Variants in DNM3 observed in about 807,000 individuals in gnomAD.
The protein encoded by DNM3 is dynamin 3.
In DNM3, 47 loss-of-function variants were observed where a neutral mutation model predicts 101.6. That is an observed-to-expected ratio of 0.46 (90% CI 0.37 to 0.59). The LOEUF is 0.59. DNM3 is among the 20% of genes least tolerant of loss of function. The pLI is 0.00. For missense variants in DNM3, 849 were observed against 1,085.7 expected, an observed-to-expected ratio of 0.78 and a Z score of 3.06; for synonymous variants, 385 against 387.9, an observed-to-expected ratio of 0.99 and a Z score of 0.09.
intron 17 of DNM3, among the ~76,000 whole-genome samples, chr1:172,344,727 T>C (rs978802180): frequency 6.6e-6 from 1 of 152,230 alleles, no homozygotes; most frequent in Non-Finnish European, 1.5e-5. Context: ...ATGGAATCTA[T>C]GCAGTTTGTT....
intron 14 of DNM3, among the ~76,000 whole-genome samples, chr1:172,215,771 G>C (rs1004323128): frequency 7.9e-5 from 12 of 151,866 alleles, no homozygotes; most frequent in African/African-American, 2.9e-4. Context: ...TGCTTACAAG[G>C]CAGAGCCAGG....
At chr1:172,059,838 C>G (rs2125907363) in intron 10 of DNM3, among the ~76,000 whole-genome samples, 1 of 132,328 alleles carries the variant, frequency 7.6e-6, no homozygotes, top group East Asian at 2.5e-4. Context: ...GTTGGAAGTT[C>G]TGGCCAGGGC....
rs2071124938 is a variant in DNM3, at chr1:172,410,136, C to T, written c.*2295C>T. ...AACCCAGCCTACTCTAGAATTTCAG[C>T]AGTGACATTGGAGAATATTTTTAAT... On this transcript the variant is annotated 3_prime_UTR_variant, in exon 21 of 21. Transcript: ENST00000627582. 4 of 985,240 alleles carry T rather than the reference C, an allele frequency of 4.1e-6. No individual in the cohort carries two copies. The highest frequency in any genetic ancestry group is 3.6e-6 in the Non-Finnish European group (3 of 829,874). The allele number at this position is 985,240 out of a possible 1,614,324, so 61.0% of individuals were successfully genotyped here.
intron 4 of DNM3, among the ~76,000 whole-genome samples, chr1:171,991,356 C>A (rs1214657305): frequency 6.6e-6 from 1 of 152,124 alleles, no homozygotes; most frequent in Non-Finnish European, 1.5e-5. Context: ...TGTGCTCTGA[C>A]TGACTGGCTA....
chr1:172,068,744 CAT>C lies in DNM3; in HGVS notation c.1336-73_1336-72del, dbSNP rs558659551. ...GCAATGAATATCTTCTGTAAAATAACATAATTTATCTCTGCTTCTTTTTTGGT... is the reference window on the plus strand; with the variant it reads ...GCAATGAATATCTTCTGTAAAATAACAATTTATCTCTGCTTCTTTTTTGGT... On this transcript the variant is annotated intron_variant, in intron 10 of 20. Transcript: ENST00000627582. 698 of 1,271,310 alleles carry C rather than the reference CAT, an allele frequency of 5.5e-4. 4 individuals carry two copies. In the African/African-American group the frequency reaches 9.1e-3, roughly 17 times the overall value. The allele number at this position is 1,271,310 out of a possible 1,614,324, so 78.8% of individuals were successfully genotyped here.
At chr1:171,931,094 T>C (rs2040970123) in intron 2 of DNM3, among the ~76,000 whole-genome samples, 1 of 152,154 alleles carries the variant, frequency 6.6e-6, no homozygotes, top group Admixed American at 6.5e-5. Context: ...GGAATCAATT[T>C]AACAAAAGAA....
chr1:172,347,123 G>A (rs1049639337), intron 17 of DNM3, among the ~76,000 whole-genome samples: 7 of 152,014 alleles, frequency 4.6e-5, no homozygotes, highest in African/African-American at 1.7e-4. Flanking sequence ...ATGTGTGTTT[G>A]AGCATCTCAA....
chr1:172,190,124 T>A (rs1746427), intron 14 of DNM3, among the ~76,000 whole-genome samples: 35,733 of 151,682 alleles, frequency 0.24, 7,059 homozygotes, highest in African/African-American at 0.54. Context: ...ACTCATCATT[T>A]AAATTAGGTA....
intron 17 of DNM3, among the ~76,000 whole-genome samples, chr1:172,334,950 A>G: frequency 6.6e-6 from 1 of 152,202 alleles, no homozygotes; most frequent in East Asian, 1.9e-4. Flanking sequence ...CAAAAACAGA[A>G]AAAAGTAAAA....
intron 11 of DNM3, among the ~76,000 whole-genome samples, chr1:172,074,465 A>T (rs964973590): frequency 3.3e-5 from 5 of 151,238 alleles, no homozygotes; most frequent in African/African-American, 1.2e-4. Flanking sequence ...TCCCTCCCCT[A>T]GCCCCCCACC....
intron 14 of DNM3, among the ~76,000 whole-genome samples, chr1:172,212,350 A>G (rs2060542855): frequency 6.6e-6 from 1 of 152,212 alleles, no homozygotes; most frequent in Non-Finnish European, 1.5e-5. Flanking sequence ...TTTCTTCCTG[A>G]CAATGATTCA....
intron 13 of DNM3, among the ~76,000 whole-genome samples, chr1:172,116,772 G>A (rs1056731944): frequency 2.0e-5 from 3 of 152,150 alleles, no homozygotes; most frequent in Admixed American, 6.5e-5. Flanking sequence ...CATTGTGTAC[G>A]TGAGAGAAGA....
chr1:172,146,540 A>G (rs541048813), intron 14 of DNM3, among the ~76,000 whole-genome samples: 2 of 152,136 alleles, frequency 1.3e-5, no homozygotes, highest in Non-Finnish European at 2.9e-5. Flanking sequence ...GCACAAGCCC[A>G]TAAGACTCAC....
At chr1:172,007,589 C>A (rs959918913) in intron 4 of DNM3, among the ~76,000 whole-genome samples, 2 of 151,938 alleles carry the variant, frequency 1.3e-5, no homozygotes, top group African/African-American at 2.4e-5. Flanking sequence ...TTCTCATATT[C>A]TTTAACTGTA....
In DNM3 at chr1:172,408,009, AC is replaced by A; in HGVS notation, c.*170del. On this transcript the variant is annotated 3_prime_UTR_variant, in exon 21 of 21. Coordinates refer to ENST00000627582, the MANE Select transcript of DNM3 (RefSeq NM_015569.5). ...ATCTTCATTGCTCATGGTATGTCAA[AC>A]CTTTGGGGTTTGACTCAGAAACTGC... The A allele has an allele frequency of 1.4e-6, 2 of 1,461,234 alleles. No individual in the cohort carries two copies. Among genetic ancestry groups the A allele is most frequent in the Non-Finnish European group, 1.8e-6 (2 of 1,107,138 alleles). 90.5% of individuals were successfully genotyped at this position (1,461,234 alleles called of 1,614,324 possible).
At chr1:172,254,646 C>A (rs2062327266) in intron 15 of DNM3, among the ~76,000 whole-genome samples, 1 of 152,098 alleles carries the variant, frequency 6.6e-6, no homozygotes, top group South Asian at 2.1e-4. Flanking sequence ...TCCTTCCACT[C>A]ATTTTCCATT....
At chr1:172,037,940 C>T (rs1260040891) in intron 6 of DNM3, among the ~76,000 whole-genome samples, 2 of 152,176 alleles carry the variant, frequency 1.3e-5, no homozygotes, top group Non-Finnish European at 1.5e-5. Context: ...TAGCTTCCTT[C>T]ATTTCTATCA....
At chr1:172,413,744 G>A (rs980552758), downstream of DNM3, among the ~76,000 whole-genome samples, 6 of 152,154 alleles carry the variant, frequency 3.9e-5, no homozygotes, top group Non-Finnish European at 8.8e-5. Flanking sequence ...TTCTTTCTGC[G>A]ATCAGGGCAT....
chr1:172,054,118 T>G (rs543820202), intron 10 of DNM3, among the ~76,000 whole-genome samples: 1 of 152,332 alleles, frequency 6.6e-6, no homozygotes, highest in African/African-American at 2.4e-5. Context: ...TATATAAACA[T>G]AAAATACAGT....
Sources: allele counts gnomAD v4.1 joint callset (sites outside exome capture counted in the v4.1 genomes callset), GRCh38; gene constraint gnomAD v4.1.1; transcripts MANE v1.5; gene names NCBI Gene and HGNC (gene_info 2026-07-23, HGNC 2026-07-21).